Variants in AGAP1 observed in about 807,000 individuals in gnomAD.
AGAP1 encodes arf-GAP with GTPase, ANK repeat and PH domain-containing protein 1.
AGAP1 carries 29 observed loss-of-function variants against 105.3 expected under a neutral mutation model. The observed-to-expected ratio is 0.28, with a 90% CI of 0.21 to 0.38. The LOEUF (loss-of-function observed/expected upper bound fraction) is 0.38, where lower values mean the gene tolerates loss of function less well. Among genes scored for constraint, AGAP1 ranks in the 10% least tolerant of loss-of-function variants. The pLI is 1.00. For missense variants in AGAP1, 998 were observed against 1,165.1 expected (o/e 0.86, Z 2.09); for synonymous variants, 509 against 485.9 (o/e 1.05, Z -0.63).
chr2:235,565,278 G>A (rs577162052), intron 1 of AGAP1, among the ~76,000 whole-genome samples: 2 of 152,354 alleles, frequency 1.3e-5, no homozygotes, highest in East Asian at 3.9e-4. Flanking sequence ...GGCCAGGTAT[G>A]AGCCAGGAGC....
In AGAP1 at chr2:235,882,940, G is replaced by A. The variant is rs550206860; in HGVS notation, c.1051-405G>A. ...AGATCCTCCCACCTCAACCCCCCAC[G>A]TAACTGGGATTACAGAAGCACACCA... On this transcript the variant is annotated intron_variant, in intron 9 of 17. Coordinates refer to ENST00000304032, the MANE Select transcript of AGAP1 (RefSeq NM_001037131.3). This position sits in a 1 kb window ranked among gnomAD's most constrained non-coding sequence, Gnocchi z 4.6. Among the ~76,000 whole-genome samples the A allele has an allele frequency of 1.6e-4, 24 of 151,936 alleles. No individual in the cohort carries two copies. The highest frequency in any genetic ancestry group is 5.8e-4 in the African/African-American group (24 of 41,462).
chr2:235,863,746 TG>T (rs964801416), intron 9 of AGAP1, among the ~76,000 whole-genome samples: 3 of 152,176 alleles, frequency 2.0e-5, no homozygotes, highest in African/African-American at 7.2e-5. Context: ...GCGGGACACC[TG>T]GTTTGCAGGC....
rs1201648081 is a variant in AGAP1 at position 236,126,861 on chromosome 2, T to C, written c.*2739T>C. 1 of 152,204 alleles carries C rather than the reference T, an allele frequency of 6.6e-6. No homozygotes were observed. Among genetic ancestry groups the C allele is most frequent in the African/African-American group, 2.4e-5 (1 of 41,432 alleles). The allele number at this position is 152,204 out of a possible 1,614,324, so 9.4% of individuals were successfully genotyped here. On this transcript the variant is annotated 3_prime_UTR_variant, in exon 18 of 18. Transcript: ENST00000304032. ...GAAGTCCTTTCTTTGCGGACCGCAC[T>C]CTCGTTCCCACTTTCAAGCTAATTA...
rs1307711663 is a variant in AGAP1 at position 235,725,406 on chromosome 2, A to G, written c.310+7762A>G. Among the ~76,000 whole-genome samples, 1 of 152,142 alleles carries G rather than the reference A, an allele frequency of 6.6e-6. No individual in the cohort carries two copies. Among genetic ancestry groups the G allele is most frequent in the East Asian group, 1.9e-4 (1 of 5,196 alleles). On this transcript the variant is annotated intron_variant, in intron 3 of 17. Coordinates refer to ENST00000304032, the MANE Select transcript of AGAP1 (RefSeq NM_001037131.3). This position sits in a 1 kb window ranked among gnomAD's most constrained non-coding sequence, Gnocchi z 5.7. ...CTGTCAGCTCCAAAAACCCTTTCCA[A>G]GTCAAATAACTTAAAAAAAAAGGTT...
intron 1 of AGAP1, among the ~76,000 whole-genome samples, chr2:235,540,300 G>A (rs368446878): frequency 7.2e-5 from 11 of 152,076 alleles, no homozygotes; most frequent in Middle Eastern, 3.4e-3. Context: ...ACAGGCACAC[G>A]CCACCAACGC....
At chr2:235,907,915 A>G (rs1460651561) in intron 10 of AGAP1, among the ~76,000 whole-genome samples, 1 of 152,160 alleles carries the variant, frequency 6.6e-6, no homozygotes, top group Non-Finnish European at 1.5e-5. Flanking sequence ...CAGAATGCTT[A>G]AGATACTGTG....
In AGAP1 at chr2:235,824,386, G is replaced by A. The variant is rs1958958061; in HGVS notation, c.1050+17055G>A. Among the ~76,000 whole-genome samples, 1 of 152,154 alleles carries A rather than the reference G, an allele frequency of 6.6e-6. No homozygotes were observed. Among genetic ancestry groups the A allele is most frequent in the Non-Finnish European group, 1.5e-5 (1 of 68,030 alleles). On this transcript the variant is annotated intron_variant, in intron 9 of 17. Transcript: ENST00000304032. The surrounding 1 kb of genome is among the most constrained non-coding windows in gnomAD (Gnocchi z 5.2). Reference sequence around the variant, plus strand: ...CTGTGGGTCTTGCAAATTGGTAACTGGTAGCTACCAGTGTAATTAAATATT... The same window carrying A: ...CTGTGGGTCTTGCAAATTGGTAACTAGTAGCTACCAGTGTAATTAAATATT...
At chr2:236,100,590 C>A (rs534935140) in intron 16 of AGAP1, among the ~76,000 whole-genome samples, 1 of 151,950 alleles carries the variant, frequency 6.6e-6, no homozygotes, top group Admixed American at 6.6e-5. Context: ...TTTGGGTGGC[C>A]GAGGTGGGCA....
rs1947898637 is a variant in AGAP1, at chr2:235,660,105, T to TGGG, written c.164-49073_164-49072insGGG. ...CCCACCCCTCAGCACACACAGTGAC[T>TGGG]GTGTTTTCATGTTTTCCACCAAGGG... On this transcript the variant is annotated intron_variant, in intron 1 of 17. Coordinates refer to ENST00000304032, the MANE Select transcript of AGAP1 (RefSeq NM_001037131.3). This position sits in a 1 kb window ranked among gnomAD's most constrained non-coding sequence, Gnocchi z 5.3. Among the ~76,000 whole-genome samples, 1 of 152,176 alleles carries TGGG rather than the reference T, an allele frequency of 6.6e-6. No homozygotes were observed. Among genetic ancestry groups the TGGG allele is most frequent in the African/African-American group, 2.4e-5 (1 of 41,446 alleles).
chr2:235,857,852 C>T (rs1384319124), intron 9 of AGAP1, among the ~76,000 whole-genome samples: 1 of 152,226 alleles, frequency 6.6e-6, no homozygotes. Context: ...GCTGGAAGAA[C>T]CAGAGCCTGC....
At chr2:236,085,007 G>A (rs2058888713) in intron 16 of AGAP1, among the ~76,000 whole-genome samples, 1 of 151,856 alleles carries the variant, frequency 6.6e-6, no homozygotes, top group African/African-American at 2.4e-5. Flanking sequence ...AAGCTCAGGA[G>A]TTCAAGACCA....
chr2:235,592,809 T>TA (rs1463214988), intron 1 of AGAP1, among the ~76,000 whole-genome samples: 2 of 152,000 alleles, frequency 1.3e-5, no homozygotes, highest in Non-Finnish European at 2.9e-5. Flanking sequence ...GAGTGCGGGG[T>TA]GGCTGCTCGT....
At chr2:235,907,043 G>A (rs908278699) in intron 10 of AGAP1, among the ~76,000 whole-genome samples, 2 of 151,492 alleles carry the variant, frequency 1.3e-5, no homozygotes, top group East Asian at 3.9e-4. Flanking sequence ...CAAAAAGGTA[G>A]ACAGCCCGTT....
In AGAP1 at chr2:235,712,086, G is replaced by A. The variant is rs1401413960; in HGVS notation, c.222+2849G>A. On this transcript the variant is annotated intron_variant, in intron 2 of 17. Coordinates refer to ENST00000304032, the MANE Select transcript of AGAP1 (RefSeq NM_001037131.3). The surrounding 1 kb of genome is among the most constrained non-coding windows in gnomAD (Gnocchi z 6.0). ...GTCACCCAGGCTGGAGTGCAGTGGC[G>A]CCATCTCGGCTCACTGCAACCTGCC... Among the ~76,000 whole-genome samples, 6 of 151,692 alleles carry A rather than the reference G, an allele frequency of 4.0e-5. No individual in the cohort carries two copies. The highest frequency in any genetic ancestry group is 2.1e-4 in the South Asian group (1 of 4,818).
chr2:236,085,210 C>T (rs1354557805), intron 16 of AGAP1, among the ~76,000 whole-genome samples: 27 of 124,848 alleles, frequency 2.2e-4, no homozygotes, highest in Non-Finnish European at 2.9e-4. Flanking sequence ...AACGAGACTC[C>T]GTCTCAAAAA....
At chr2:235,969,794 G>A (rs765863807) in intron 13 of AGAP1, among the ~76,000 whole-genome samples, 5 of 152,288 alleles carry the variant, frequency 3.3e-5, no homozygotes, top group East Asian at 1.9e-4. Context: ...GCTGAAGTTC[G>A]GAGCTCTGAG....
chr2:236,006,628 G>C (rs998146250), intron 13 of AGAP1, among the ~76,000 whole-genome samples: 10 of 152,154 alleles, frequency 6.6e-5, no homozygotes, highest in Non-Finnish European at 1.5e-4. Flanking sequence ...TGTTATAAGG[G>C]ACAGGTTGGA....
chr2:235,516,371 T>C (rs1942387403), intron 1 of AGAP1, among the ~76,000 whole-genome samples: 1 of 152,122 alleles, frequency 6.6e-6, no homozygotes, highest in Non-Finnish European at 1.5e-5. Context: ...AAATCTCTTG[T>C]GGCACTTTTC....
intron 6 of AGAP1, among the ~76,000 whole-genome samples, chr2:235,762,374 GA>G (rs1954521232): frequency 6.6e-6 from 1 of 152,148 alleles, no homozygotes; most frequent in South Asian, 2.1e-4. Context: ...CTGGCTCCAA[GA>G]GGATGTGAGG....
Sources: gnomAD v4.1 joint callset for allele counts (sites outside exome capture counted in the v4.1 genomes callset) on GRCh38, gnomAD v4.1.1 for gene constraint, Gnocchi (gnomAD v3.1) non-coding constraint, MANE v1.5 for transcripts, NCBI Gene and HGNC (gene_info 2026-07-23, HGNC 2026-07-21) for gene names.